The following CACNA1B variants were observed in gnomAD, a reference collection of about 807,000 sequenced individuals.
CACNA1B encodes the protein voltage-dependent N-type calcium channel subunit alpha-1B.
Under a neutral mutation model 247.2 loss-of-function variants are expected in CACNA1B, and 70 were observed. The ratio of observed to expected loss-of-function variants is 0.28; its 90% CI spans 0.23 to 0.35. CACNA1B has a LOEUF of 0.35. CACNA1B is among the 10% of genes least tolerant of loss of function. The pLI is 1.00. For synonymous variants in CACNA1B, 1,231 were observed against 1,294.4 expected (o/e 0.95, Z 1.05); for missense variants, 2,367 against 3,197.4 (o/e 0.74, Z 6.26).
chr9:138,117,760 G>A lies in CACNA1B; in HGVS notation c.5778-186G>A, dbSNP rs75602501. ...TGATGAGGCTTTGCCTGGGTCCAGC[G>A]TGCACAGGCCACGTTGGGGCTCTTG... On this transcript the variant is annotated intron_variant, in intron 42 of 46. Transcript: ENST00000371372. Among the ~76,000 whole-genome samples, 670 of 152,242 alleles carry A rather than the reference G, an allele frequency of 4.4e-3. 2 individuals are homozygous for A. Among genetic ancestry groups the A allele is most frequent in the African/African-American group, 5.7e-3 (237 of 41,542 alleles).
chr9:138,022,898 C>A, intron 18 of CACNA1B, 113 bp from the exon 19 acceptor site: 1 of 1,329,116 alleles, frequency 7.5e-7, no homozygotes, highest in Non-Finnish European at 9.7e-7. Flanking sequence ...CCCGCGGCCA[C>A]GCCTCCCACC....
chr9:138,057,275 T>A lies in CACNA1B; in HGVS notation c.3969-457T>A, dbSNP rs12345667. ...AGAATAGTTATTTACATATTCTAAA[T>A]ACAACTCCCTTATCAGACAGAGGAT... On this transcript the variant is annotated intron_variant, in intron 26 of 46. Coordinates refer to ENST00000371372, the MANE Select transcript of CACNA1B (RefSeq NM_000718.4). This position sits in a 1 kb window ranked among gnomAD's most constrained non-coding sequence, Gnocchi z 4.0. Among the ~76,000 whole-genome samples, 24,071 of 152,182 alleles carry A rather than the reference T, an allele frequency of 0.16. 5,411 individuals carry two copies. Among genetic ancestry groups the A allele is most frequent in the African/African-American group, 0.5 (20,689 of 41,440 alleles).
At chr9:138,088,959 C>A (rs75760979) in intron 36 of CACNA1B, among the ~76,000 whole-genome samples, 3 of 61,426 alleles carry the variant, frequency 4.9e-5, no homozygotes, top group South Asian at 7.7e-4. Context: ...AACTCCGTCT[C>A]AAAAAAAAAA....
In CACNA1B at chr9:138,057,861, C is replaced by T. The variant is rs1221746880; in HGVS notation, c.4098C>T (p.Gly1366=). 1.2e-6 allele frequency: 2 copies of T among 1,603,326 alleles called. No individual in the cohort carries two copies. Among genetic ancestry groups the T allele is most frequent in the Non-Finnish European group, 1.7e-6 (2 of 1,171,376 alleles). Residue 1366 remains glycine, a synonymous_variant, in exon 27 of 47, where the codon GGC becomes GGT. Coordinates refer to ENST00000371372, the MANE Select transcript of CACNA1B (RefSeq NM_000718.4). This position sits in a 1 kb window ranked among gnomAD's most constrained non-coding sequence, Gnocchi z 4.0. ...TGTTCACAGTGTCCACGGGAGAAGG[C>T]TGGCCCATGTGAGTGCTCATCCTGC... ...LTLFTVSTGE[G]WPMVLKHSVD...
chr9:138,035,119 C>T lies in CACNA1B; in HGVS notation c.3287-8655C>T, dbSNP rs115989120. ...AATGCCTGTGTCATTCACCTCAGTTCGTCTCATCATGTAGGCATTTCATTA... is the reference window on the plus strand; with the variant it reads ...AATGCCTGTGTCATTCACCTCAGTTTGTCTCATCATGTAGGCATTTCATTA... On this transcript the variant is annotated intron_variant, in intron 20 of 46. Transcript: ENST00000371372. Among the ~76,000 whole-genome samples, 1,507 of 152,316 alleles carry T rather than the reference C, an allele frequency of 9.9e-3. 22 individuals carry two copies. The highest frequency in any genetic ancestry group is 0.035 in the African/African-American group (1,451 of 41,576).
chr9:138,077,333 G>A (rs1019344527), intron 35 of CACNA1B, among the ~76,000 whole-genome samples: 5 of 152,240 alleles, frequency 3.3e-5, no homozygotes, highest in Non-Finnish European at 7.3e-5. Flanking sequence ...AGCATCCAGG[G>A]TGGCTGCTCA....
intron 10 of CACNA1B, among the ~76,000 whole-genome samples, chr9:137,960,985 TG>T (rs2133351818): frequency 6.6e-6 from 1 of 152,304 alleles, no homozygotes; most frequent in Non-Finnish European, 1.5e-5. Flanking sequence ...TTTTCATGTT[TG>T]TTGGCCACAC....
In CACNA1B at chr9:138,023,602, GC is replaced by G; in HGVS notation, c.2860del (p.Arg954GlyfsTer55). ...SKECAGAKGERRARHRGGPRA... is the reference protein window; with the variant it reads ...SKECAGAKGEXRARHRGGPRA... Reference sequence around the variant, plus strand: ...AGGAGTGCGCCGGCGCCAAGGGCGAGCGGCGCGCGCGGCACCGCGGCGGCCC... The same window carrying G: ...AGGAGTGCGCCGGCGCCAAGGGCGAGGGCGCGCGCGGCACCGCGGCGGCCC... On this transcript the variant is annotated frameshift_variant, in exon 19 of 47. Coordinates refer to ENST00000371372, the MANE Select transcript of CACNA1B (RefSeq NM_000718.4). LOFTEE classifies it high-confidence loss of function. 9.0e-7 allele frequency: 1 copy of G among 1,108,134 alleles called. No individual in the cohort carries two copies. The highest frequency in any genetic ancestry group is 4.2e-5 in the South Asian group (1 of 23,844). 68.6% of individuals were successfully genotyped at this position (1,108,134 alleles called of 1,614,324 possible). A position where few individuals can be genotyped will look rare whatever the true frequency, so the allele number is the denominator to read the frequency against.
intron 20 of CACNA1B, among the ~76,000 whole-genome samples, chr9:138,037,338 C>T (rs1959058864): frequency 6.6e-6 from 1 of 152,150 alleles, no homozygotes; most frequent in South Asian, 2.1e-4. Flanking sequence ...CTAGTTGTGA[C>T]AACCAAAGGA....
At chr9:137,900,351 G>C (rs1957220104) in intron 3 of CACNA1B, among the ~76,000 whole-genome samples, 1 of 152,180 alleles carries the variant, frequency 6.6e-6, no homozygotes, top group African/African-American at 2.4e-5. Flanking sequence ...CTGTGGGGCT[G>C]GGAGCACTCC....
Position 138,120,372 on chromosome 9 carries a change from G to A in CACNA1B, c.6238G>A (p.Ala2080Thr), listed in dbSNP as rs1296356489. Residue 2080 changes from alanine (A) to threonine (T), a missense_variant and splice_region_variant, in exon 45 of 47, where the codon GCA (alanine) becomes ACA (threonine). Physicochemically the swap from Ala to Thr is moderately conservative, Grantham distance 58 (BLOSUM62 0). Coordinates refer to ENST00000371372, the MANE Select transcript of CACNA1B (RefSeq NM_000718.4). ...GPSLSADMDG[A>T]PSSAVGPGLP... ...CAGCCTGTCTGCCGATATGGATGGC[G>A]GTGCGTGCGGAGGGGCCCGGGGAGT... The A allele has an allele frequency of 4.5e-6, 7 of 1,548,346 alleles. No homozygotes were observed. The highest frequency in any genetic ancestry group is 2.4e-5 in the East Asian group (1 of 41,758).
chr9:137,948,036 A>G (rs1168684793), intron 6 of CACNA1B, among the ~76,000 whole-genome samples: 3 of 131,262 alleles, frequency 2.3e-5, no homozygotes, highest in Admixed American at 8.9e-5. Context: ...GCTAGAGTGC[A>G]GTGGCACAAT....
At chr9:138,000,558 C>T (rs868656051) in intron 15 of CACNA1B, among the ~76,000 whole-genome samples, 12 of 152,264 alleles carry the variant, frequency 7.9e-5, no homozygotes, top group East Asian at 1.9e-4. Flanking sequence ...CATTATAAGG[C>T]GAGTTTCACC....
rs1336682009 is a variant in CACNA1B, at chr9:137,990,568, A to G, written c.1974+3714A>G. The stretch of plus-strand genomic sequence containing the variant: ...TATAAAACCAGCACACTTAACAAAA[A>G]TACAGCCGAGGACCCTCACAGAGTC... On this transcript the variant is annotated intron_variant, in intron 15 of 46. Transcript: ENST00000371372. The surrounding 1 kb of genome is among the most constrained non-coding windows in gnomAD (Gnocchi z 4.5). 6.6e-6 allele frequency among the ~76,000 whole-genome samples: 1 copy of G among 152,136 alleles called. No individual in the cohort carries two copies. Among genetic ancestry groups the G allele is most frequent in the African/African-American group, 2.4e-5 (1 of 41,424 alleles).
At chr9:137,935,492 C>T (rs775165256) in intron 6 of CACNA1B, among the ~76,000 whole-genome samples, 4 of 152,198 alleles carry the variant, frequency 2.6e-5, no homozygotes, top group Non-Finnish European at 5.9e-5. Flanking sequence ...TTTTTCTAAT[C>T]CAGTCTATCA....
intron 43 of CACNA1B, 55 bp from the exon 44 acceptor site, chr9:138,118,597 C>A: frequency 1.2e-6 from 1 of 857,582 alleles, no homozygotes; most frequent in Non-Finnish European, 1.9e-6. Flanking sequence ...GGGGTGGGAT[C>A]AGATGAGTCC....
At chr9:138,038,778 C>T (rs142713107) in intron 20 of CACNA1B, among the ~76,000 whole-genome samples, 391 of 152,356 alleles carry the variant, frequency 2.6e-3, no homozygotes, top group Non-Finnish European at 4.7e-3. Context: ...TTCTGTAGAA[C>T]CTGACTGGAG....
intron 6 of CACNA1B, among the ~76,000 whole-genome samples, chr9:137,938,695 C>T (rs866881496): frequency 6.6e-6 from 1 of 152,170 alleles, no homozygotes; most frequent in Non-Finnish European, 1.5e-5. Context: ...CCTTGTACAA[C>T]AGGAAAATAT....
At chr9:138,114,641 C>A (rs1484037382) in intron 41 of CACNA1B, among the ~76,000 whole-genome samples, 151 bp downstream of exon 41, 1 of 152,124 alleles carries the variant, frequency 6.6e-6, no homozygotes, top group Non-Finnish European at 1.5e-5. Flanking sequence ...ACCTCTCTGG[C>A]CCCCAGAGTC....
Sources: allele counts gnomAD v4.1 joint callset (sites outside exome capture counted in the v4.1 genomes callset), GRCh38; gene constraint gnomAD v4.1.1; non-coding constraint Gnocchi (gnomAD v3.1); transcripts MANE v1.5; gene names NCBI Gene and HGNC (gene_info 2026-07-23, HGNC 2026-07-21).